ASIC2: variants seen among roughly 807,000 people sequenced by gnomAD.
ASIC2 encodes the protein acid sensing ion channel subunit 2.
In ASIC2, 25 loss-of-function variants were observed where a neutral mutation model predicts 57.3. That is an observed-to-expected ratio of 0.44 (90% CI 0.32 to 0.61). The LOEUF is 0.61. Ranked by LOEUF, ASIC2 falls within the 20% of genes least tolerant of loss-of-function variation. The pLI, the probability that ASIC2 is intolerant of heterozygous loss-of-function variation, is 0.06. For synonymous variants in ASIC2, 319 were observed against 307.5 expected (o/e 1.04, Z -0.39); for missense variants, 641 against 738.1 (o/e 0.87, Z 1.52).
intron 1 of ASIC2, among the ~76,000 whole-genome samples, chr17:33,199,977 A>G (rs1906792667): frequency 6.6e-6 from 1 of 151,936 alleles, no homozygotes. Flanking sequence ...TTGCTGTTCC[A>G]TGGGCACTTA....
intron 1 of ASIC2, among the ~76,000 whole-genome samples, chr17:33,903,760 T>G (rs568238070): frequency 6.6e-6 from 1 of 152,284 alleles, no homozygotes; most frequent in Admixed American, 6.5e-5. Flanking sequence ...TGCTGATGGG[T>G]GAGACTCATA....
intron 1 of ASIC2, among the ~76,000 whole-genome samples, chr17:33,306,462 T>C (rs1343628014): frequency 6.6e-6 from 1 of 152,208 alleles, no homozygotes; most frequent in Non-Finnish European, 1.5e-5. Flanking sequence ...GAACTGCAGT[T>C]TTACTCGTGG....
At chr17:33,493,999 T>A (rs77805477) in intron 1 of ASIC2, among the ~76,000 whole-genome samples, 1 of 152,364 alleles carries the variant, frequency 6.6e-6, no homozygotes, top group East Asian at 1.9e-4. Context: ...ACAGCCAACC[T>A]GATTCAATTT....
At chr17:33,802,765 C>T (rs1912167046) in intron 1 of ASIC2, among the ~76,000 whole-genome samples, 1 of 152,256 alleles carries the variant, frequency 6.6e-6, no homozygotes, top group African/African-American at 2.4e-5. Context: ...GGCCTAGAGG[C>T]CAGGGACATG....
At chr17:33,410,504 C>T (rs549329709) in intron 1 of ASIC2, among the ~76,000 whole-genome samples, 2 of 152,326 alleles carry the variant, frequency 1.3e-5, no homozygotes, top group Admixed American at 1.3e-4. Context: ...AGAACTACTG[C>T]TTCTGGAGGG....
chr17:33,272,684 A>G (rs916821740), intron 1 of ASIC2, among the ~76,000 whole-genome samples: 1 of 152,198 alleles, frequency 6.6e-6, no homozygotes, highest in African/African-American at 2.4e-5. Flanking sequence ...TGTCATCACT[A>G]TCATCATCCA....
At chr17:33,426,503 C>T (rs1189718183) in intron 1 of ASIC2, among the ~76,000 whole-genome samples, 1 of 152,222 alleles carries the variant, frequency 6.6e-6, no homozygotes, top group African/African-American at 2.4e-5. Flanking sequence ...AGCTTTAGAG[C>T]AGGTGTTATA....
At chr17:33,560,464 A>T (rs1356143097) in intron 1 of ASIC2, among the ~76,000 whole-genome samples, 1 of 152,242 alleles carries the variant, frequency 6.6e-6, no homozygotes, top group Non-Finnish European at 1.5e-5. Context: ...GAAAATTGGC[A>T]TTTATGATAC....
At chr17:33,348,847 A>G (rs1847449655) in intron 1 of ASIC2, among the ~76,000 whole-genome samples, 1 of 152,126 alleles carries the variant, frequency 6.6e-6, no homozygotes, top group African/African-American at 2.4e-5. Flanking sequence ...CACCTAACCT[A>G]GAGCAGGGAT....
intron 1 of ASIC2, among the ~76,000 whole-genome samples, chr17:33,439,386 G>A (rs1001401749): frequency 1.3e-5 from 2 of 152,280 alleles, no homozygotes; most frequent in East Asian, 3.9e-4. Context: ...GAAGAAGAAA[G>A]AAAAGACTGT....
intron 1 of ASIC2, among the ~76,000 whole-genome samples, chr17:33,226,558 C>G (rs927937163): frequency 6.6e-6 from 1 of 152,190 alleles, no homozygotes; most frequent in African/African-American, 2.4e-5. Context: ...CTTGACCCCC[C>G]AGTCACTCTC....
intron 1 of ASIC2, among the ~76,000 whole-genome samples, chr17:33,991,036 C>T (rs1905986043): frequency 6.6e-6 from 1 of 152,282 alleles, no homozygotes; most frequent in Middle Eastern, 3.4e-3. Context: ...TAGCTTCTAA[C>T]TCAAACAGCT....
chr17:33,418,863 A>G (rs1910949233), intron 1 of ASIC2, among the ~76,000 whole-genome samples: 1 of 151,940 alleles, frequency 6.6e-6, no homozygotes, highest in South Asian at 2.1e-4. Context: ...CAGAAAACCA[A>G]ACACCACATG....
chr17:33,313,884 A>G (rs1906536121), intron 1 of ASIC2, among the ~76,000 whole-genome samples: 2 of 152,016 alleles, frequency 1.3e-5, no homozygotes, highest in South Asian at 4.1e-4. Flanking sequence ...ACTTGGCCTG[A>G]CAGAGATGGG....
chr17:33,407,380 T>C (rs1217439956), intron 1 of ASIC2, among the ~76,000 whole-genome samples: 1 of 152,246 alleles, frequency 6.6e-6, no homozygotes, highest in Non-Finnish European at 1.5e-5. Flanking sequence ...GGCACTCATA[T>C]AATAACAACC....
rs187186102 is a variant in ASIC2, at chr17:34,094,343, T to C, written c.555+61635A>G. On this transcript the variant is annotated intron_variant, in intron 1 of 9. Transcript: ENST00000359872. ...CTACAGCCCATGACTACATGCCTCA[T>C]ATGGCAATTTCTAACTGAATCAGAA... 2.7e-3 allele frequency among the ~76,000 whole-genome samples: 416 copies of C among 152,284 alleles called. 3 individuals are homozygous for C. Among genetic ancestry groups the C allele is most frequent in the Middle Eastern group, 0.02 (6 of 294 alleles).
At chr17:33,179,360 A>G (rs1227286528) in intron 1 of ASIC2, among the ~76,000 whole-genome samples, 1 of 152,228 alleles carries the variant, frequency 6.6e-6, no homozygotes, top group Non-Finnish European at 1.5e-5. Context: ...ATCCAGAAAA[A>G]GCATGCAGAC....
At chr17:33,914,683 C>T (rs1180863800) in intron 1 of ASIC2, among the ~76,000 whole-genome samples, 1 of 152,194 alleles carries the variant, frequency 6.6e-6, no homozygotes, top group African/African-American at 2.4e-5. Flanking sequence ...GTTACACAGA[C>T]TGTATATAGC....
At chr17:33,115,085 TC>T (rs1029569670) in intron 1 of ASIC2, among the ~76,000 whole-genome samples, 19 of 152,318 alleles carry the variant, frequency 1.2e-4, no homozygotes, top group African/African-American at 4.6e-4. Context: ...CTTGACTGCC[TC>T]CTTGCTAGGG....
Sources: allele counts gnomAD v4.1 joint callset (sites outside exome capture counted in the v4.1 genomes callset), GRCh38; gene constraint gnomAD v4.1.1; transcripts MANE v1.5; gene names NCBI Gene and HGNC (gene_info 2026-07-23, HGNC 2026-07-21).